FOXP2: variants seen among roughly 807,000 people sequenced by gnomAD.
FOXP2 encodes forkhead box P2, also known as forkhead box protein P2.
FOXP2 carries 12 observed loss-of-function variants against 115.8 expected under a neutral mutation model. That is an observed-to-expected ratio of 0.10 (90% CI 0.07 to 0.17). The LOEUF (loss-of-function observed/expected upper bound fraction) is 0.17. Among genes scored for constraint, FOXP2 ranks in the 10% least tolerant of loss-of-function variants. The pLI is 1.00. For synonymous variants in FOXP2, 328 were observed against 297.7 expected (o/e 1.10, Z -1.05); for missense variants, 629 against 843.5 (o/e 0.75, Z 3.15).
At chr7:114,197,814 G>T (rs1793950394) in intron 1 of FOXP2, among the ~76,000 whole-genome samples, 1 of 151,866 alleles carries the variant, frequency 6.6e-6, no homozygotes, top group South Asian at 2.1e-4. Context: ...ATATGTGAAA[G>T]AATGGTATAG....
At chr7:114,630,057 C>G in intron 5 of FOXP2, 52 bp downstream of exon 5, 1 of 1,601,886 alleles carries the variant, frequency 6.2e-7, no homozygotes, top group South Asian at 1.1e-5. Context: ...TAAGAAGGGG[C>G]TTTGAGCGGC....
intron 1 of FOXP2, among the ~76,000 whole-genome samples, chr7:114,239,155 A>G (rs954269562): frequency 2.0e-5 from 3 of 151,900 alleles, no homozygotes; most frequent in Non-Finnish European, 4.4e-5. Context: ...AAATGAGACA[A>G]AAACTATCAT....
rs752684219 is a variant in FOXP2 at position 114,690,175 on chromosome 7, GA to G, written c.*260del. ...AAAAAAGACAAAAACTGATTTTCTT[GA>G]AAAAAAAAAATGAACTGTTCTTTCT... On this transcript the variant is annotated 3_prime_UTR_variant, in exon 17 of 17. Coordinates refer to ENST00000350908, the MANE Select transcript of FOXP2 (RefSeq NM_014491.4). 0.028 allele frequency: 9,999 copies of G among 353,454 alleles called. 112 individuals carry two copies. The highest frequency in any genetic ancestry group is 0.066 in the African/African-American group (2,331 of 35,462). 21.9% of individuals were successfully genotyped at this position (353,454 alleles called of 1,614,324 possible).
At chr7:114,680,306 G>A (rs1318188043) in intron 16 of FOXP2, among the ~76,000 whole-genome samples, 1 of 152,170 alleles carries the variant, frequency 6.6e-6, no homozygotes, top group Non-Finnish European at 1.5e-5. Context: ...TTCATGGATA[G>A]AACAATTTTT....
chr7:114,671,510 T>C (rs915932885), intron 16 of FOXP2, among the ~76,000 whole-genome samples: 1 of 152,198 alleles, frequency 6.6e-6, no homozygotes, highest in Non-Finnish European at 1.5e-5. Flanking sequence ...AGCTTACTGC[T>C]TCTGTTTTAT....
intron 1 of FOXP2, among the ~76,000 whole-genome samples, chr7:114,216,109 T>C (rs141446084): frequency 2.1e-3 from 324 of 152,328 alleles, no homozygotes; most frequent in Middle Eastern, 0.01. Flanking sequence ...GAGCTGTCCA[T>C]GTTCAGTATA....
intron 2 of FOXP2, among the ~76,000 whole-genome samples, chr7:114,516,742 C>A (rs1236392723): frequency 6.6e-6 from 1 of 151,782 alleles, no homozygotes; most frequent in Non-Finnish European, 1.5e-5. Context: ...GTTGCCAAGG[C>A]TGGAATGCAG....
rs543301733 is a variant in FOXP2, at chr7:114,489,461, C to A, written c.169-45156C>A. On this transcript the variant is annotated intron_variant, in intron 2 of 16. Coordinates refer to ENST00000350908, the MANE Select transcript of FOXP2 (RefSeq NM_014491.4). ...TGGTTCTATTTACTTATTATTTGAC[C>A]CTTTAATTACATAAGTTGTCTCTAG... Among the ~76,000 whole-genome samples, 5 of 151,984 alleles carry A rather than the reference C, an allele frequency of 3.3e-5. No individual in the cohort carries two copies. The East Asian group carries it at 9.7e-4, about 30-fold the overall frequency.
chr7:114,599,443 A>G (rs1802902702), intron 3 of FOXP2, among the ~76,000 whole-genome samples: 1 of 152,142 alleles, frequency 6.6e-6, no homozygotes, highest in Admixed American at 6.6e-5. Flanking sequence ...CTTTGGAAGA[A>G]TTCACTGGTA....
intron 2 of FOXP2, among the ~76,000 whole-genome samples, chr7:114,290,234 C>T (rs537126531): frequency 5.9e-5 from 9 of 151,822 alleles, no homozygotes; most frequent in Non-Finnish European, 1.0e-4. Context: ...GTTTTATCTC[C>T]ATTTCACCTC....
At chr7:114,622,216 T>G (rs547728426) in intron 3 of FOXP2, among the ~76,000 whole-genome samples, 1 of 152,052 alleles carries the variant, frequency 6.6e-6, no homozygotes, top group Admixed American at 6.6e-5. Flanking sequence ...CTTATTACCG[T>G]TAGCCCTTCT....
chr7:114,269,154 A>G (rs1285249601), intron 1 of FOXP2, among the ~76,000 whole-genome samples: 1 of 152,152 alleles, frequency 6.6e-6, no homozygotes, highest in African/African-American at 2.4e-5. Context: ...AAACAATTTG[A>G]TACGGCTTAG....
At chr7:114,660,680 A>G (rs1371217362) in intron 13 of FOXP2, among the ~76,000 whole-genome samples, 1 of 152,172 alleles carries the variant, frequency 6.6e-6, no homozygotes, top group East Asian at 1.9e-4. Context: ...TATATATTTT[A>G]TATGATGAAA....
chr7:114,450,398 TA>T (rs1162924800), intron 2 of FOXP2, among the ~76,000 whole-genome samples: 1 of 152,124 alleles, frequency 6.6e-6, no homozygotes, highest in Non-Finnish European at 1.5e-5. Flanking sequence ...TTTTGGATTT[TA>T]AAATGAATAA....
chr7:114,134,683 A>T lies in FOXP2; in HGVS notation c.-246-28261A>T, dbSNP rs560384552. 1.3e-4 allele frequency among the ~76,000 whole-genome samples: 19 copies of T among 146,026 alleles called. No homozygotes were observed. The East Asian group carries it at 3.9e-3, about 30-fold the overall frequency. On this transcript the variant is annotated intron_variant, in intron 1 of 19. Coordinates refer to the FOXP2 transcript ENST00000635638. ...AGCCGAGATCCCGCCACTGCACTCC[A>T]GCCTGGGCGACAGAGCGAGACTCCG...
intron 16 of FOXP2, among the ~76,000 whole-genome samples, chr7:114,672,794 A>G (rs1239612756): frequency 6.6e-6 from 1 of 152,170 alleles, no homozygotes; most frequent in Non-Finnish European, 1.5e-5. Context: ...GTCCAGGTGG[A>G]AAGTAGCCTC....
intron 16 of FOXP2, among the ~76,000 whole-genome samples, chr7:114,683,501 C>A (rs868397320): frequency 3.7e-4 from 56 of 152,206 alleles, no homozygotes; most frequent in African/African-American, 1.2e-3. Context: ...ATAACAATAA[C>A]GTTACATTAG....
chr7:114,151,170 C>T (rs1209399424), intron 1 of FOXP2, among the ~76,000 whole-genome samples: 3 of 151,806 alleles, frequency 2.0e-5, no homozygotes, highest in Non-Finnish European at 2.9e-5. Context: ...ATAGACTTTC[C>T]TTCCCCCTTC....
At chr7:114,532,034 T>C (rs1799166328) in intron 2 of FOXP2, among the ~76,000 whole-genome samples, 2 of 151,988 alleles carry the variant, frequency 1.3e-5, no homozygotes, top group Non-Finnish European at 2.9e-5. Flanking sequence ...TGCTACTGCT[T>C]TGTGACTTCA....
Sources: allele counts gnomAD v4.1 joint callset (sites outside exome capture counted in the v4.1 genomes callset), GRCh38; gene constraint gnomAD v4.1.1; transcripts MANE v1.5; gene names NCBI Gene and HGNC (gene_info 2026-07-23, HGNC 2026-07-21).